Variants in PPP1R1C observed in about 807,000 individuals in gnomAD.
PPP1R1C encodes the protein protein phosphatase 1 regulatory subunit 1C.
Under a neutral mutation model 17.4 loss-of-function variants are expected in PPP1R1C, and 15 were observed. The ratio of observed to expected loss-of-function variants is 0.86; its 90% CI spans 0.58 to 1.33. The LOEUF is 1.33. PPP1R1C is among the 40% of genes most tolerant of loss of function. PPP1R1C has a pLI of 0.00. For synonymous variants in PPP1R1C, 35 were observed against 43.1 expected, an observed-to-expected ratio of 0.81 and a Z score of 0.73; for missense variants, 143 against 130.0, an observed-to-expected ratio of 1.10 and a Z score of -0.48.
intron 5 of PPP1R1C, among the ~76,000 whole-genome samples, chr2:182,127,828 A>G (rs1194641888): frequency 6.6e-6 from 1 of 152,112 alleles, no homozygotes; most frequent in African/African-American, 2.4e-5. Context: ...CTGATTCCCA[A>G]GTGAACAGAG....
chr2:182,115,112 C>T (rs1008642999), intron 4 of PPP1R1C, among the ~76,000 whole-genome samples: 3 of 152,008 alleles, frequency 2.0e-5, no homozygotes, highest in Non-Finnish European at 4.4e-5. Context: ...GTCATTAGAA[C>T]CTTTGCAAAC....
intron 2 of PPP1R1C, among the ~76,000 whole-genome samples, chr2:182,046,974 AC>A (rs1026893613): frequency 2.7e-4 from 41 of 152,304 alleles, no homozygotes; most frequent in African/African-American, 8.4e-4. Context: ...AAAAAAGAAA[AC>A]GTTTCTGTGA....
chr2:182,025,176 T>C (rs1228565100), intron 2 of PPP1R1C, among the ~76,000 whole-genome samples: 1 of 140,674 alleles, frequency 7.1e-6, no homozygotes, highest in Non-Finnish European at 1.5e-5. Flanking sequence ...GTAAATAAAA[T>C]TATTATTATT....
chr2:182,124,319 TTTTTTTTGTTTTTTTTTTTG>T, intron 5 of PPP1R1C, among the ~76,000 whole-genome samples: 2 of 124,392 alleles, frequency 1.6e-5, no homozygotes, highest in Admixed American at 8.2e-5. Flanking sequence ...TTTTTGTTTT[TTTTTTTTGTTTTTTTTTTTG>T]TTTTTTTTTT....
intron 2 of PPP1R1C, among the ~76,000 whole-genome samples, chr2:181,995,791 G>C (rs1203377608): frequency 1.3e-5 from 2 of 151,252 alleles, no homozygotes; most frequent in Non-Finnish European, 2.9e-5. Context: ...AAGCCCTGGA[G>C]CCTTGGGATT....
intron 4 of PPP1R1C, among the ~76,000 whole-genome samples, chr2:182,109,226 G>A (rs542165372): frequency 4.6e-5 from 7 of 151,970 alleles, no homozygotes; most frequent in African/African-American, 9.7e-5. Context: ...AGAGTCCTTT[G>A]TATGTTTTGG....
chr2:182,008,017 G>A (rs1685974824), intron 2 of PPP1R1C, among the ~76,000 whole-genome samples: 2 of 152,028 alleles, frequency 1.3e-5, no homozygotes, highest in African/African-American at 4.8e-5. Flanking sequence ...GCAGTGAGCT[G>A]AGATCGCGCC....
At chr2:182,061,987 C>G (rs1687863531) in intron 3 of PPP1R1C, among the ~76,000 whole-genome samples, 1 of 152,094 alleles carries the variant, frequency 6.6e-6, no homozygotes, top group Admixed American at 6.6e-5. Context: ...CACTGTCACT[C>G]TCTATTCCCT....
At chr2:182,116,551 G>C (rs1689588173) in intron 4 of PPP1R1C, among the ~76,000 whole-genome samples, 1 of 152,142 alleles carries the variant, frequency 6.6e-6, no homozygotes, top group Non-Finnish European at 1.5e-5. Flanking sequence ...CGGGGGAAAA[G>C]TAGGTTAGTG....
intron 4 of PPP1R1C, among the ~76,000 whole-genome samples, chr2:182,097,640 G>A (rs1688981268): frequency 6.6e-6 from 1 of 152,134 alleles, no homozygotes; most frequent in Admixed American, 6.5e-5. Context: ...AATGTATTTT[G>A]TGACAGAAAC....
intron 4 of PPP1R1C, among the ~76,000 whole-genome samples, chr2:182,065,219 A>G (rs1451751241): frequency 1.3e-5 from 2 of 152,074 alleles, no homozygotes; most frequent in African/African-American, 4.8e-5. Flanking sequence ...AAGCACAGTA[A>G]TTGTTTCAAG....
intron 2 of PPP1R1C, among the ~76,000 whole-genome samples, chr2:182,016,306 T>A (rs1686261095): frequency 6.6e-6 from 1 of 152,198 alleles, no homozygotes; most frequent in Non-Finnish European, 1.5e-5. Context: ...CCATGCCTCT[T>A]TCAGTGATAT....
chr2:182,049,979 G>A (rs1224541245), intron 2 of PPP1R1C, among the ~76,000 whole-genome samples: 1 of 152,172 alleles, frequency 6.6e-6, no homozygotes, highest in African/African-American at 2.4e-5. Flanking sequence ...CTGTTCTCCT[G>A]TAGTGGGGCT....
chr2:182,098,945 G>A (rs2125226355), intron 4 of PPP1R1C, among the ~76,000 whole-genome samples: 1 of 152,234 alleles, frequency 6.6e-6, no homozygotes, highest in Admixed American at 6.5e-5. Flanking sequence ...TTTCTTCTCA[G>A]GTATGAGAAA....
At chr2:182,017,701 A>C (rs1686300682) in intron 2 of PPP1R1C, among the ~76,000 whole-genome samples, 1 of 152,132 alleles carries the variant, frequency 6.6e-6, no homozygotes. Context: ...TCAGCAAGAG[A>C]AATAAATTAA....
At chr2:182,046,587 A>G (rs958850305) in intron 2 of PPP1R1C, among the ~76,000 whole-genome samples, 4 of 151,700 alleles carry the variant, frequency 2.6e-5, no homozygotes, top group East Asian at 1.9e-4. Flanking sequence ...AAAAATACTA[A>G]AAGTAGCCTG....
chr2:181,961,566 G>A lies in PPP1R1C; in HGVS notation n.111+6932G>A, dbSNP rs1224132209. ...TCATGGAGTCCAGGTCCATCTTTAA[G>A]GACTGGACTGTACGTCTCAGCTCCG... On this transcript the variant is annotated intron_variant and non_coding_transcript_variant, in intron 1 of 5. Transcript: ENST00000464264. The surrounding 1 kb of genome is among the most constrained non-coding windows in gnomAD (Gnocchi z 5.8). The A allele has an allele frequency of 2.6e-6, 2 of 766,962 alleles. No individual in the cohort carries two copies. Among genetic ancestry groups the A allele is most frequent in the Non-Finnish European group, 4.6e-6 (2 of 438,892 alleles). 47.5% of individuals were successfully genotyped at this position (766,962 alleles called of 1,614,324 possible).
At chr2:182,014,798 C>T (rs1259622119) in intron 2 of PPP1R1C, among the ~76,000 whole-genome samples, 1 of 151,750 alleles carries the variant, frequency 6.6e-6, no homozygotes, top group African/African-American at 2.4e-5. Context: ...TTTCCTCAAG[C>T]AGAAGGAGAC....
chr2:182,118,129 C>T (rs937404598), downstream of PPP1R1C, among the ~76,000 whole-genome samples: 2 of 151,980 alleles, frequency 1.3e-5, no homozygotes, highest in African/African-American at 2.4e-5. Context: ...TAAGAAATTC[C>T]ATTAATTCAT....
Sources: gnomAD v4.1 joint callset for allele counts (sites outside exome capture counted in the v4.1 genomes callset) on GRCh38, gnomAD v4.1.1 for gene constraint, Gnocchi (gnomAD v3.1) non-coding constraint, MANE v1.5 for transcripts, NCBI Gene and HGNC (gene_info 2026-07-23, HGNC 2026-07-21) for gene names.